EPRS1: variants seen among roughly 807,000 people sequenced by gnomAD.
EPRS1 encodes the protein glutamyl-prolyl-tRNA synthetase 1.
Under a neutral mutation model 188.3 loss-of-function variants are expected in EPRS1, and 107 were observed. The observed-to-expected ratio is 0.57, with a 90% CI of 0.49 to 0.67. The LOEUF (loss-of-function observed/expected upper bound fraction) is 0.67, where lower values mean the gene tolerates loss of function less well. Among genes scored for constraint, EPRS1 ranks in the 30% least tolerant of loss-of-function variants. The pLI is 0.00. For missense variants in EPRS1, 1,577 were observed against 1,802.2 expected (o/e 0.88, Z 2.26); for synonymous variants, 596 against 593.1 (o/e 1.00, Z -0.07).
chr1:220,011,796 T>C (rs1365404377), intron 12 of EPRS1, among the ~76,000 whole-genome samples: 1 of 152,208 alleles, frequency 6.6e-6, no homozygotes, highest in Non-Finnish European at 1.5e-5. Context: ...TTTTTCTCAC[T>C]TCACTGTTCA....
At chr1:220,035,681 T>G (rs1203199736) in intron 2 of EPRS1, among the ~76,000 whole-genome samples, 1 of 150,610 alleles carries the variant, frequency 6.6e-6, no homozygotes, top group East Asian at 2.0e-4. Flanking sequence ...ACACAAAAAT[T>G]AGCTAGGCAT....
intron 15 of EPRS1, among the ~76,000 whole-genome samples, chr1:220,005,572 C>T (rs1230145509): frequency 6.6e-6 from 1 of 152,030 alleles, no homozygotes; most frequent in Non-Finnish European, 1.5e-5. Context: ...ATAAACTGGC[C>T]TCAAAAAACC....
At position 219,983,294 on chromosome 1, in the gene EPRS1, A is replaced by G; in HGVS notation, c.3195T>C (p.Asp1065=). 1 of 1,614,130 alleles carries G rather than the reference A, an allele frequency of 6.2e-7. No individual in the cohort carries two copies. Among genetic ancestry groups the G allele is most frequent in the Non-Finnish European group, 8.5e-7 (1 of 1,179,920 alleles). The change falls in exon 22 of 32, where the codon GAT becomes GAC. Residue 1065 remains aspartate (D), a synonymous_variant. Coordinates refer to ENST00000366923, the MANE Select transcript of EPRS1 (RefSeq NM_004446.3). The stretch of plus-strand genomic sequence containing the variant: ...CAACACCAAGTTTCTTGATCTCAGC[A>G]TCAAAAAAGTCCTTGATGGCTTCCC... ...AIWEAIKDFF[D]AEIKKLGVEN... is the part of the protein sequence containing the mutation.
rs753775057 is a variant in EPRS1, at chr1:220,006,234, T to A, written c.1822A>T (p.Thr608Ser). The change falls in exon 15 of 32, where the codon ACT becomes TCT. Residue 608 changes from threonine (T) to serine (S), a missense_variant. Physicochemically the swap from Thr to Ser is moderately conservative, Grantham distance 58 (BLOSUM62 1). Transcript: ENST00000366923. Reference protein sequence around the residue: ...NKDYKKTTKVTWLAETTHALP... With the variant: ...NKDYKKTTKVSWLAETTHALP... ...GCATGTGTAGTCTCTGCAAGCCAAG[T>A]GACCTTAGTGGTTTTCTTGTAGTCT... is the stretch of plus-strand genomic sequence containing the variant. The A allele has an allele frequency of 2.5e-6, 4 of 1,604,148 alleles. No homozygotes were observed. Among genetic ancestry groups the A allele is most frequent in the Non-Finnish European group, 3.4e-6 (4 of 1,174,110 alleles).
intron 5 of EPRS1, among the ~76,000 whole-genome samples, chr1:220,031,556 C>T (rs1200658435): frequency 1.3e-5 from 2 of 152,190 alleles, no homozygotes; most frequent in African/African-American, 4.8e-5. Context: ...GCCAAAACAA[C>T]TGAGTGGACT....
At chr1:220,009,095 T>C (rs910149533) in intron 13 of EPRS1, among the ~76,000 whole-genome samples, 6 of 152,206 alleles carry the variant, frequency 3.9e-5, no homozygotes, top group African/African-American at 7.2e-5. Flanking sequence ...ACTAACTGTA[T>C]GGTAGGTGAT....
At chr1:219,975,880 A>T (rs887023504) in intron 28 of EPRS1, among the ~76,000 whole-genome samples, 7 of 152,210 alleles carry the variant, frequency 4.6e-5, no homozygotes, top group Non-Finnish European at 1.0e-4. Context: ...ATACATATTC[A>T]GTAGCTCCAT....
Position 219,968,678 on chromosome 1 carries a change from G to T in EPRS1, c.*128C>A. On this transcript the variant is annotated 3_prime_UTR_variant, in exon 32 of 32. Transcript: ENST00000366923. Reference sequence around the variant, plus strand: ...TGTTAACTTAGGCATAAGAATAATTGTCCTGTGTGACTTCATTTTAGAACT... The same window carrying T: ...TGTTAACTTAGGCATAAGAATAATTTTCCTGTGTGACTTCATTTTAGAACT... 2.4e-6 allele frequency: 2 copies of T among 847,436 alleles called. No homozygotes were observed. Among genetic ancestry groups the T allele is most frequent in the Non-Finnish European group, 3.7e-6 (2 of 542,088 alleles). The allele number at this position is 847,436 out of a possible 1,614,324, so 52.5% of individuals were successfully genotyped here.
intron 18 of EPRS1, among the ~76,000 whole-genome samples, chr1:219,989,778 C>G (rs1042552153): frequency 6.6e-6 from 1 of 152,054 alleles, no homozygotes; most frequent in African/African-American, 2.4e-5. Context: ...AGGTACCACA[C>G]AAAGGTAGTA....
chr1:219,999,622 C>G (rs1571672282), intron 17 of EPRS1, among the ~76,000 whole-genome samples: 1 of 152,270 alleles, frequency 6.6e-6, no homozygotes, highest in Non-Finnish European at 1.5e-5. Context: ...AACTATTCCA[C>G]CTGAGCTCCC....
chr1:220,039,899 G>A (rs1662260779), intron 2 of EPRS1, among the ~76,000 whole-genome samples: 1 of 152,226 alleles, frequency 6.6e-6, no homozygotes, highest in Non-Finnish European at 1.5e-5. Context: ...GGGATGCTGA[G>A]GCCGGAGGAT....
chr1:220,002,578 G>A (rs1014535454), intron 16 of EPRS1, among the ~76,000 whole-genome samples: 1 of 152,080 alleles, frequency 6.6e-6, no homozygotes, highest in African/African-American at 2.4e-5. Context: ...AAATATTTAA[G>A]GGTGGGTATG....
intron 30 of EPRS1, among the ~76,000 whole-genome samples, chr1:219,969,690 C>A (rs954694710): frequency 1.3e-5 from 2 of 150,252 alleles, no homozygotes; most frequent in Non-Finnish European, 3.0e-5. Context: ...CATTCTTAGA[C>A]TACATAAAAC....
intron 8 of EPRS1, 86 bp downstream of exon 8, chr1:220,024,178 A>T: frequency 1.1e-6 from 1 of 910,398 alleles, no homozygotes; most frequent in Non-Finnish European, 1.6e-6. Flanking sequence ...CAAAAAAACT[A>T]GCAGCTTTCA....
At chr1:220,018,850 T>TA (rs34320023) in intron 11 of EPRS1, 145 bp downstream of exon 11, 1,486 of 357,054 alleles carry the variant, frequency 4.2e-3, no homozygotes, top group East Asian at 8.4e-3. Context: ...AAGTTTGTTT[T>TA]AAAAAAAAAA....
chr1:220,004,304 G>C (rs568292524), intron 16 of EPRS1, among the ~76,000 whole-genome samples: 72 of 152,260 alleles, frequency 4.7e-4, no homozygotes, highest in African/African-American at 1.6e-3. Flanking sequence ...AAAGTGCTGG[G>C]ATTATAGGCA....
Position 219,986,783 on chromosome 1 carries a change from A to ATGTGTGTGTGTG in EPRS1, c.3038+347_3038+358dup, listed in dbSNP as rs55845197. Among the ~76,000 whole-genome samples, 239 of 150,268 alleles carry ATGTGTGTGTGTG rather than the reference A, an allele frequency of 1.6e-3. 2 individuals carry two copies. Among genetic ancestry groups the ATGTGTGTGTGTG allele is most frequent in the South Asian group, 5.7e-3 (27 of 4,740 alleles). On this transcript the variant is annotated intron_variant, in intron 20 of 31. Coordinates refer to ENST00000366923, the MANE Select transcript of EPRS1 (RefSeq NM_004446.3). ...TTAAAAAGGAGGAGAGAAAATATGTATGTGTGTGTGTGTGTGTGTGTGTAT... is the reference window on the plus strand; with the variant it reads ...TTAAAAAGGAGGAGAGAAAATATGTATGTGTGTGTGTGTGTGTGTGTGTGTGTGTGTGTGTAT...
intron 11 of EPRS1, 80 bp from the exon 12 acceptor site, chr1:220,018,588 T>TAC: frequency 3.5e-6 from 2 of 575,620 alleles, no homozygotes; most frequent in South Asian, 2.3e-5. Flanking sequence ...TAAGCATGTT[T>TAC]AGAAAAAAAA....
intron 11 of EPRS1, 142 bp downstream of exon 11, chr1:220,018,849 TTAAA>T: frequency 2.0e-6 from 1 of 487,902 alleles, no homozygotes; most frequent in Admixed American, 5.1e-5. Context: ...AAAGTTTGTT[TTAAA>T]AAAAAAAAAA....
Sources: gnomAD v4.1 joint callset for allele counts (sites outside exome capture counted in the v4.1 genomes callset) on GRCh38, gnomAD v4.1.1 for gene constraint, MANE v1.5 for transcripts, NCBI Gene and HGNC (gene_info 2026-07-23, HGNC 2026-07-21) for gene names.